Variants in ABHD2 observed in about 807,000 individuals in gnomAD.
ABHD2 encodes the protein abhydrolase domain containing 2, acylglycerol lipase.
A neutral mutation model predicts 48.1 loss-of-function variants in ABHD2; 20 were observed. The observed-to-expected ratio is 0.42, with a 90% confidence interval of 0.29 to 0.60. The LOEUF is 0.60. Among genes scored for constraint, ABHD2 ranks in the 20% least tolerant of loss-of-function variants. The probability of loss-of-function intolerance (pLI) is 0.24; values close to 1 mark genes in which losing one functional copy is unlikely to be tolerated. For synonymous variants in ABHD2, 209 were observed against 214.2 expected (o/e 0.98, Z 0.21); for missense variants, 405 against 550.9 (o/e 0.74, Z 2.65).
At position 89,177,283 on chromosome 15, in the gene ABHD2, G is replaced by A. The variant is rs373620931; in HGVS notation, c.722+1288G>A. Among the ~76,000 whole-genome samples, 32 of 152,180 alleles carry A rather than the reference G, an allele frequency of 2.1e-4. No individual in the cohort carries two copies. The highest frequency in any genetic ancestry group is 1.5e-3 in the Admixed American group (23 of 15,272). On this transcript the variant is annotated intron_variant, in intron 6 of 10. Coordinates refer to ENST00000352732, the MANE Select transcript of ABHD2 (RefSeq NM_152924.5). This position sits in a 1 kb window ranked among gnomAD's most constrained non-coding sequence, Gnocchi z 5.6. Reference sequence around the variant, plus strand: ...TAGAACAGTGCCCAGCACGCAGAACGTAAGCCACTGTTCATTTTCATTATC... The same window carrying A: ...TAGAACAGTGCCCAGCACGCAGAACATAAGCCACTGTTCATTTTCATTATC...
At chr15:89,052,262 G>A in the ABHD2 span, among the ~76,000 whole-genome samples, 1 of 152,096 alleles carries the variant, frequency 6.6e-6, no homozygotes, top group Non-Finnish European at 1.5e-5. Context: ...TGGTTTAGGA[G>A]GAGATTAAAT....
chr15:89,195,508 C>A lies in ABHD2; in HGVS notation c.*85C>A. 6.9e-7 allele frequency: 1 copy of A among 1,441,810 alleles called. No individual in the cohort carries two copies. The highest frequency in any genetic ancestry group is 9.3e-7 in the Non-Finnish European group (1 of 1,072,486). 89.3% of individuals were successfully genotyped at this position (1,441,810 alleles called of 1,614,324 possible). A position where few individuals can be genotyped will look rare whatever the true frequency, so the allele number is the denominator to read the frequency against. On this transcript the variant is annotated 3_prime_UTR_variant, in exon 11 of 11. Coordinates refer to ENST00000352732, the MANE Select transcript of ABHD2 (RefSeq NM_152924.5). The surrounding 1 kb of genome is among the most constrained non-coding windows in gnomAD (Gnocchi z 5.1). Reference sequence around the variant, plus strand: ...CCTGTTTCAGGTCTCCCATCTCCCTCAGTGACCTGGATCTGACCTCACACC... The same window carrying A: ...CCTGTTTCAGGTCTCCCATCTCCCTAAGTGACCTGGATCTGACCTCACACC...
Position 89,116,461 on chromosome 15 carries a change from A to G in ABHD2, c.134A>G (p.Tyr45Cys), listed in dbSNP as rs777916601. 7.4e-6 allele frequency: 12 copies of G among 1,614,186 alleles called. No homozygotes were observed. The highest frequency in any genetic ancestry group is 1.1e-5 in the South Asian group (1 of 91,086). ...LKSPTAPPDL[Y>C]FQDSGLSRFL... is the part of the protein sequence containing the mutation. The stretch of plus-strand genomic sequence containing the variant: ...AGCCCCACAGCCCCACCTGACCTCT[A>G]CTTCCAGGACTCGGGGCTCTCACGC... The change falls in exon 3 of 11, where the codon TAC becomes TGC. Residue 45 changes from tyrosine to cysteine, a missense_variant. By Grantham distance (194) the Tyr-to-Cys change is radical. Coordinates refer to ENST00000352732, the MANE Select transcript of ABHD2 (RefSeq NM_152924.5). The surrounding 1 kb of genome is among the most constrained non-coding windows in gnomAD (Gnocchi z 4.6).
At chr15:89,054,927 A>C in the ABHD2 span, among the ~76,000 whole-genome samples, 1 of 152,134 alleles carries the variant, frequency 6.6e-6, no homozygotes, top group Non-Finnish European at 1.5e-5. Flanking sequence ...CAATGTGCTT[A>C]ATCAATCTTC....
Position 89,120,105 on chromosome 15 carries a change from C to T in ABHD2, c.194+3584C>T, listed in dbSNP as rs556822822. On this transcript the variant is annotated intron_variant, in intron 3 of 10. Transcript: ENST00000352732. This position sits in a 1 kb window ranked among gnomAD's most constrained non-coding sequence, Gnocchi z 4.2. ...AAAAAAGTTGATGAAAGGTGAACAT[C>T]GAAAGCATGCTCGAGGAGCAGGGAT... 1.1e-4 allele frequency among the ~76,000 whole-genome samples: 17 copies of T among 151,910 alleles called. No homozygotes were observed. The highest frequency in any genetic ancestry group is 4.1e-4 in the African/African-American group (17 of 41,426).
intron 5 of ABHD2, among the ~76,000 whole-genome samples, chr15:89,156,563 A>G (rs2150896606): frequency 6.6e-6 from 1 of 152,132 alleles, no homozygotes; most frequent in African/African-American, 2.4e-5. Context: ...CCTGGCAATC[A>G]TGGCAAAACC....
chr15:89,067,710 T>C, the ABHD2 span, among the ~76,000 whole-genome samples: 1 of 152,236 alleles, frequency 6.6e-6, no homozygotes, highest in Non-Finnish European at 1.5e-5. Flanking sequence ...AGATGTCTTC[T>C]GTGAGACCTG....
In ABHD2 at chr15:89,196,800, G is replaced by A. The variant is rs2051411094; in HGVS notation, c.*1377G>A. Reference sequence around the variant, plus strand: ...TATATTTGTAGTCTGTTGGATAGGTGTTTCCAAAGTGTGTCTTCTCAAGTG... The same window carrying A: ...TATATTTGTAGTCTGTTGGATAGGTATTTCCAAAGTGTGTCTTCTCAAGTG... On this transcript the variant is annotated 3_prime_UTR_variant, in exon 11 of 11. Transcript: ENST00000352732. The A allele has an allele frequency of 3.9e-5, 6 of 152,644 alleles. No homozygotes were observed. In the South Asian group the frequency reaches 1.2e-3, roughly 32 times the overall value. 9.5% of individuals were successfully genotyped at this position (152,644 alleles called of 1,614,324 possible). A position where few individuals can be genotyped will look rare whatever the true frequency, so the allele number is the denominator to read the frequency against.
chr15:89,066,618 A>C, the ABHD2 span, among the ~76,000 whole-genome samples: 3 of 152,148 alleles, frequency 2.0e-5, no homozygotes, highest in Non-Finnish European at 2.9e-5. Context: ...TTCTCCTATC[A>C]TATTTCCTTC....
Position 89,176,055 on chromosome 15 carries a change from C to A in ABHD2, c.722+60C>A. On this transcript the variant is annotated intron_variant, in intron 6 of 10. Transcript: ENST00000352732. The surrounding 1 kb of genome is among the most constrained non-coding windows in gnomAD (Gnocchi z 4.5). ...TTAGCCCTTATTTATAGAGATGCCC[C>A]GACGCACAACACACTGTTCTGTGAA... 6.8e-7 allele frequency: 1 copy of A among 1,480,008 alleles called. No individual in the cohort carries two copies. The highest frequency in any genetic ancestry group is 1.3e-5 in the South Asian group (1 of 76,264). The allele number at this position is 1,480,008 out of a possible 1,614,324, so 91.7% of individuals were successfully genotyped here.
chr15:89,134,920 T>C (rs560106629), intron 3 of ABHD2, among the ~76,000 whole-genome samples: 2 of 152,318 alleles, frequency 1.3e-5, no homozygotes, highest in Non-Finnish European at 2.9e-5. Flanking sequence ...ATTAAATATT[T>C]GTAGAACCTA....
At chr15:89,062,002 C>A in the ABHD2 span, among the ~76,000 whole-genome samples, 1 of 152,190 alleles carries the variant, frequency 6.6e-6, no homozygotes, top group Non-Finnish European at 1.5e-5. Context: ...TCAGAAGTGA[C>A]TGAGCTTGCA....
the ABHD2 span, among the ~76,000 whole-genome samples, chr15:89,059,242 G>A: frequency 2.8e-3 from 425 of 152,208 alleles, 3 homozygotes; most frequent in African/African-American, 9.3e-3. Flanking sequence ...CAGGAAGAGG[G>A]GTACATCTGC....
At chr15:89,075,499 C>G in the ABHD2 span, 1 of 152,104 alleles carries the variant, frequency 6.6e-6, no homozygotes, top group Non-Finnish European at 1.5e-5. This position sits in a 1 kb window ranked among gnomAD's most constrained non-coding sequence, Gnocchi z 4.1. Context: ...ATGTCACTGG[C>G]TGACTCGGAG....
At position 89,185,655 on chromosome 15, in the gene ABHD2, A is replaced by G. The variant is rs2051195372; in HGVS notation, c.815+139A>G. ...GTGGTACAGACTCTCTGCTGCCTGCATTTGTGACTTGATTAGAAACAAACT... is the reference window on the plus strand; with the variant it reads ...GTGGTACAGACTCTCTGCTGCCTGCGTTTGTGACTTGATTAGAAACAAACT... On this transcript the variant is annotated intron_variant, in intron 7 of 10. Coordinates refer to ENST00000352732, the MANE Select transcript of ABHD2 (RefSeq NM_152924.5). The surrounding 1 kb of genome is among the most constrained non-coding windows in gnomAD (Gnocchi z 5.9). 1.3e-6 allele frequency: 1 copy of G among 774,788 alleles called. No individual in the cohort carries two copies. Among genetic ancestry groups the G allele is most frequent in the Admixed American group, 2.7e-5 (1 of 36,900 alleles). The allele number at this position is 774,788 out of a possible 1,614,324, so 48.0% of individuals were successfully genotyped here.
Position 89,177,561 on chromosome 15 carries a change from C to T in ABHD2, c.722+1566C>T, listed in dbSNP as rs1177389950. 6.6e-6 allele frequency among the ~76,000 whole-genome samples: 1 copy of T among 152,102 alleles called. No individual in the cohort carries two copies. The highest frequency in any genetic ancestry group is 2.4e-5 in the African/African-American group (1 of 41,396). On this transcript the variant is annotated intron_variant, in intron 6 of 10. Transcript: ENST00000352732. The surrounding 1 kb of genome is among the most constrained non-coding windows in gnomAD (Gnocchi z 5.6). ...TTCAGTTTAGTTACGTTTAGCAGTC[C>T]CCGGGGTTAGTGACCTCAGTGGTCT... is the stretch of plus-strand genomic sequence containing the variant.
rs2050990462 is a variant in ABHD2 at position 89,175,117 on chromosome 15, C to T, written c.539-695C>T. ...AGATTCTGTAAATAACATCCACTTGCTACTTTTCTTAACACCATGAATCAT... is the reference window on the plus strand; with the variant it reads ...AGATTCTGTAAATAACATCCACTTGTTACTTTTCTTAACACCATGAATCAT... On this transcript the variant is annotated intron_variant, in intron 5 of 10. Coordinates refer to ENST00000352732, the MANE Select transcript of ABHD2 (RefSeq NM_152924.5). This position sits in a 1 kb window ranked among gnomAD's most constrained non-coding sequence, Gnocchi z 5.7. Among the ~76,000 whole-genome samples the T allele has an allele frequency of 6.6e-6, 1 of 152,218 alleles. No individual in the cohort carries two copies. The highest frequency in any genetic ancestry group is 6.5e-5 in the Admixed American group (1 of 15,282).
At chr15:89,074,739 G>C in the ABHD2 span, among the ~76,000 whole-genome samples, 1 of 152,176 alleles carries the variant, frequency 6.6e-6, no homozygotes, top group African/African-American at 2.4e-5. Context: ...ACAAAGAAAA[G>C]AACCTAGCTT....
chr15:89,178,233 TGTC>T (rs1045575231), intron 6 of ABHD2, among the ~76,000 whole-genome samples: 4 of 152,230 alleles, frequency 2.6e-5, no homozygotes, highest in African/African-American at 9.6e-5. Context: ...GAGACACTGT[TGTC>T]CTTGTGTGTG....
Sources: allele counts gnomAD v4.1 joint callset (sites outside exome capture counted in the v4.1 genomes callset), GRCh38; gene constraint gnomAD v4.1.1; non-coding constraint Gnocchi (gnomAD v3.1); transcripts MANE v1.5; gene names NCBI Gene and HGNC (gene_info 2026-07-23, HGNC 2026-07-21).